The following RYR1 variants were observed in gnomAD, a reference collection of about 807,000 sequenced individuals.
RYR1 encodes the protein ryanodine receptor 1.
RYR1 carries 342 observed loss-of-function variants against 583.5 expected under a neutral mutation model. The ratio of observed to expected loss-of-function variants is 0.59; its 90% CI spans 0.54 to 0.64. The LOEUF (loss-of-function observed/expected upper bound fraction) is 0.64, where lower values mean the gene tolerates loss of function less well. Among genes scored for constraint, RYR1 ranks in the 30% least tolerant of loss-of-function variants. The probability of loss-of-function intolerance (pLI) is 0.00; values close to 1 mark genes in which losing one functional copy is unlikely to be tolerated. For synonymous variants in RYR1, 2,791 were observed against 2,822.5 expected (o/e 0.99, Z 0.35); for missense variants, 6,032 against 6,917.2 (o/e 0.87, Z 4.54).
intron 11 of RYR1, among the ~76,000 whole-genome samples, chr19:38,450,587 T>G (rs1449174238): frequency 2.0e-5 from 3 of 151,936 alleles, no homozygotes; most frequent in Non-Finnish European, 4.4e-5. Flanking sequence ...GCAGGGGGCT[T>G]TACAGATGAG....
At chr19:38,484,438 C>CCCTT (rs576397407) in intron 33 of RYR1, among the ~76,000 whole-genome samples, 1 of 140,326 alleles carries the variant, frequency 7.1e-6, no homozygotes, top group Non-Finnish European at 1.5e-5. Context: ...CTCCCTCCCT[C>CCCTT]CCTTCCTTCC....
At chr19:38,560,659 G>A (rs932768296) in intron 89 of RYR1, among the ~76,000 whole-genome samples, 3 of 149,708 alleles carry the variant, frequency 2.0e-5, no homozygotes, top group African/African-American at 4.9e-5. Flanking sequence ...ACCCTGGGAG[G>A]TGGAGGTTGC....
intron 7 of RYR1, among the ~76,000 whole-genome samples, 195 bp from the exon 8 acceptor site, chr19:38,446,277 C>T (rs925665095): frequency 6.6e-6 from 1 of 152,138 alleles, no homozygotes; most frequent in Admixed American, 6.6e-5. Context: ...GCTTCAGACC[C>T]CAAGTCTCAT....
intron 76 of RYR1, among the ~76,000 whole-genome samples, chr19:38,530,872 G>T (rs983344109): frequency 6.6e-6 from 1 of 151,660 alleles, no homozygotes; most frequent in African/African-American, 2.4e-5. Context: ...GCGCAATCTC[G>T]GCTCGCTGCA....
rs797045933 is a variant in RYR1, at chr19:38,467,665, A to ATCCTAT, written c.3235_3240dup (p.Ser1079_Tyr1080dup). On this transcript the variant is annotated inframe_insertion, in exon 25 of 106. Transcript: ENST00000359596. ...GGGTGCGCATCTTCCGGGCAGAGAA[A>ATCCTAT]TCCTATACAGTGCAGAGCGGCCGCT... 2 of 1,614,098 alleles carry ATCCTAT rather than the reference A, an allele frequency of 1.2e-6. No homozygotes were observed. The highest frequency in any genetic ancestry group is 8.5e-7 in the Non-Finnish European group (1 of 1,180,052).
rs1970086291 is a variant in RYR1 at position 38,500,911 on chromosome 19, T to C, written c.7535T>C (p.Ile2512Thr). The C allele has an allele frequency of 1.2e-6, 2 of 1,613,618 alleles. No homozygotes were observed. Among genetic ancestry groups the C allele is most frequent in the Non-Finnish European group, 1.7e-6 (2 of 1,179,892 alleles). The change falls in exon 47 of 106, where the codon ATC becomes ACC. Residue 2512 changes from isoleucine (I) to threonine (T), a missense_variant. By Grantham distance (89) the Ile-to-Thr change is moderately conservative. Transcript: ENST00000359596. The surrounding 1 kb of genome is among the most constrained non-coding windows in gnomAD (Gnocchi z 5.9). ...CTCTTCCTGGACCGTGTGTATGGCATCGAGAACCAGGACTTCTTGCTGCAC... is the reference window on the plus strand; with the variant it reads ...CTCTTCCTGGACCGTGTGTATGGCACCGAGAACCAGGACTTCTTGCTGCAC... ...MVLFLDRVYG[I>T]ENQDFLLHVL...
In RYR1 at chr19:38,468,965, G is replaced by T; in HGVS notation, c.3382-1G>T. 6.2e-7 allele frequency: 1 copy of T among 1,614,056 alleles called. No homozygotes were observed. Among genetic ancestry groups the T allele is most frequent in the Non-Finnish European group, 8.5e-7 (1 of 1,180,006 alleles). ...CATGTCTTCTCTGGCTGTCCTCACA[G>T]GGCCAGCGCTGGCACTTGGGCAGTG... is the stretch of plus-strand genomic sequence containing the variant. On this transcript the variant is annotated splice_acceptor_variant, in intron 25 of 105. Coordinates refer to ENST00000359596, the MANE Select transcript of RYR1 (RefSeq NM_000540.3). LOFTEE classifies it high-confidence loss of function.
In RYR1 at chr19:38,523,116, G is replaced by A. The variant is rs111436401; in HGVS notation, c.10347+1G>A. The A allele has an allele frequency of 8.1e-6, 13 of 1,613,690 alleles. No individual in the cohort carries two copies. The highest frequency in any genetic ancestry group is 1.7e-5 in the Admixed American group (1 of 60,016). On this transcript the variant is annotated splice_donor_variant, in intron 68 of 105. Transcript: ENST00000359596. LOFTEE classifies it high-confidence loss of function. Reference sequence around the variant, plus strand: ...CTTCATCTACTGGTCCAAGTCCCACGTGAGTGCCCACCCCAACCGCCCTCC... The same window carrying A: ...CTTCATCTACTGGTCCAAGTCCCACATGAGTGCCCACCCCAACCGCCCTCC...
At position 38,443,623 on chromosome 19, in the gene RYR1, C is replaced by G; in HGVS notation, c.336C>G (p.His112Gln). Reference sequence around the variant, plus strand: ...ATGCCATCCTGCTCCGGCATGCACACAGCCGCATGGTGAGTGCAACCTCGG... The same window carrying G: ...ATGCCATCCTGCTCCGGCATGCACAGAGCCGCATGGTGAGTGCAACCTCGG... ...YGHAILLRHA[H>Q]SRMYLSCLTT... Residue 112 changes from histidine (H) to glutamine (Q), a missense_variant, in exon 4 of 106, where the codon CAC becomes CAG. His to Gln is a conservative substitution (Grantham distance 24). This residue lies in a region of RYR1 where 338 missense variants were observed against 441.6 expected (regional missense o/e 0.77). Coordinates refer to ENST00000359596, the MANE Select transcript of RYR1 (RefSeq NM_000540.3). 1 of 1,614,122 alleles carries G rather than the reference C, an allele frequency of 6.2e-7. No individual in the cohort carries two copies. The highest frequency in any genetic ancestry group is 8.5e-7 in the Non-Finnish European group (1 of 1,180,002).
rs1972366666 is a variant in RYR1 at position 38,545,087 on chromosome 19, C to G, written c.12012+1212C>G. Among the ~76,000 whole-genome samples, 4 of 152,076 alleles carry G rather than the reference C, an allele frequency of 2.6e-5. No individual in the cohort carries two copies. The South Asian group carries it at 8.3e-4, about 31-fold the overall frequency. On this transcript the variant is annotated intron_variant, in intron 87 of 105. Coordinates refer to ENST00000359596, the MANE Select transcript of RYR1 (RefSeq NM_000540.3). ...TGAAAGCTCCAAGAAAAAAAAAAAC[C>G]TGAGATTCTCTCTGACTAGCCTATT...
chr19:38,516,194 C>T lies in RYR1; in HGVS notation c.9662C>T (p.Thr3221Ile), dbSNP rs1173243402. The T allele has an allele frequency of 1.9e-6, 3 of 1,579,234 alleles. No individual in the cohort carries two copies. Among genetic ancestry groups the T allele is most frequent in the African/African-American group, 1.3e-5 (1 of 74,236 alleles). Reference protein sequence around the residue: ...NEYNACSVYTTKSPRERAILG... With the variant: ...NEYNACSVYTIKSPRERAILG... Reference sequence around the variant, plus strand: ...TACAACGCCTGCTCCGTGTACACCACCAAGTCTCCGCGGGAGCGGGCCAGT... The same window carrying T: ...TACAACGCCTGCTCCGTGTACACCATCAAGTCTCCGCGGGAGCGGGCCAGT... The change falls in exon 65 of 106, where the codon ACC (threonine) becomes ATC (isoleucine). Residue 3221 changes from threonine (T) to isoleucine (I), a missense_variant. Thr to Ile is a moderately conservative substitution (Grantham distance 89). Transcript: ENST00000359596.
At chr19:38,584,773 C>T (rs1341184779) in intron 101 of RYR1, among the ~76,000 whole-genome samples, 170 bp from the exon 102 acceptor site, 4 of 150,790 alleles carry the variant, frequency 2.7e-5, no homozygotes, top group Admixed American at 2.0e-4. Context: ...CAGCCCTGAC[C>T]ATTTCTGGCT....
At chr19:38,505,450 T>C in intron 53 of RYR1, 52 bp downstream of exon 53, 1 of 1,324,314 alleles carries the variant, frequency 7.6e-7, no homozygotes. Flanking sequence ...ACCCCCAAAT[T>C]TGAGGATTCG....
chr19:38,442,284 G>A lies in RYR1; in HGVS notation c.166-65G>A, dbSNP rs1424950321. 4.6e-6 allele frequency: 5 copies of A among 1,095,972 alleles called. No homozygotes were observed. In the East Asian group the frequency reaches 1.2e-4, roughly 26 times the overall value. 67.9% of individuals were successfully genotyped at this position (1,095,972 alleles called of 1,614,324 possible). A position where few individuals can be genotyped will look rare whatever the true frequency, so the allele number is the denominator to read the frequency against. ...CATCCAGACTAGGGGAGGGAGTGTG[G>A]CAGGGAATGTTGCTGGGGTGGGGGG... is the stretch of plus-strand genomic sequence containing the variant. On this transcript the variant is annotated intron_variant, in intron 2 of 105. Coordinates refer to ENST00000359596, the MANE Select transcript of RYR1 (RefSeq NM_000540.3).
chr19:38,488,824 A>G (rs1969417555), intron 34 of RYR1, among the ~76,000 whole-genome samples: 1 of 152,150 alleles, frequency 6.6e-6, no homozygotes. Flanking sequence ...CATTATGTTG[A>G]CTGAGAGCTG....
Position 38,453,013 on chromosome 19 carries a change from AGGTGAGGACGTGGCGAGGGCGGAGCGG to A in RYR1, c.1440+2_1440+28del, listed in dbSNP as rs1967163679. On this transcript the variant is annotated splice_donor_variant and splice_donor_5th_base_variant and coding_sequence_variant and intron_variant, in exon 13 of 106. Transcript: ENST00000359596. LOFTEE classifies it high-confidence loss of function. ...AACCGCCAGAGCCTCTTCCAGGAGG[AGGTGAGGACGTGGCGAGGGCGGAGCGG>A]GGCCTGTGGGCCCAGGGGGCGGGAC... 2 of 1,538,070 alleles carry A rather than the reference AGGTGAGGACGTGGCGAGGGCGGAGCGG, an allele frequency of 1.3e-6. No homozygotes were observed. Among genetic ancestry groups the A allele is most frequent in the Non-Finnish European group, 1.8e-6 (2 of 1,131,228 alleles).
chr19:38,537,169 A>T (rs1027452017), intron 83 of RYR1: 4 of 285,684 alleles, frequency 1.4e-5, no homozygotes, highest in African/African-American at 6.5e-5. Flanking sequence ...TTGGTCAGTC[A>T]GCGTTTCCCA....
At chr19:38,468,925 T>C in intron 25 of RYR1, 41 bp from the exon 26 acceptor site, 1 of 1,606,792 alleles carries the variant, frequency 6.2e-7, no homozygotes, top group East Asian at 2.2e-5. Flanking sequence ...CATTTCTCTG[T>C]GTGTCTCCCC....
intron 38 of RYR1, among the ~76,000 whole-genome samples, chr19:38,492,871 C>G (rs572381550): frequency 2.0e-5 from 3 of 152,104 alleles, no homozygotes; most frequent in Admixed American, 6.5e-5. Flanking sequence ...GATTTGGAGA[C>G]CAGCCCGGCC....
Sources: gnomAD v4.1 joint callset for allele counts (sites outside exome capture counted in the v4.1 genomes callset) on GRCh38, gnomAD v4.1.1 for gene constraint, gnomAD v4.1.1 regional missense constraint, Gnocchi (gnomAD v3.1) non-coding constraint, MANE v1.5 for transcripts, NCBI Gene and HGNC (gene_info 2026-07-23, HGNC 2026-07-21) for gene names.